Variants in DPYS observed in about 807,000 individuals in gnomAD.
DPYS encodes dihydropyrimidine amidohydrolase.
Under a neutral mutation model 50.3 loss-of-function variants are expected in DPYS, and 39 were observed. That is an observed-to-expected ratio of 0.78 (90% CI 0.60 to 1.01). The LOEUF (loss-of-function observed/expected upper bound fraction) is 1.01. DPYS is among the 50% of genes least tolerant of loss of function. The probability of loss-of-function intolerance (pLI) is 0.00; values close to 1 mark genes in which losing one functional copy is unlikely to be tolerated. For missense variants in DPYS, 659 were observed against 680.9 expected (o/e 0.97, Z 0.36); for synonymous variants, 245 against 250.7 (o/e 0.98, Z 0.22).
At chr8:104,462,629 C>A (rs553744093) in intron 1 of DPYS, among the ~76,000 whole-genome samples, 1 of 152,306 alleles carries the variant, frequency 6.6e-6, no homozygotes, top group South Asian at 2.1e-4. Flanking sequence ...GTTTTCAGTG[C>A]AACTCCACCC....
intron 2 of DPYS, among the ~76,000 whole-genome samples, chr8:104,449,256 C>T (rs546267686): frequency 2.6e-5 from 4 of 152,146 alleles, no homozygotes; most frequent in Non-Finnish European, 5.9e-5. Context: ...ACATTGTTAG[C>T]ATATTCACAT....
chr8:104,441,305 C>A (rs547598387), intron 4 of DPYS, among the ~76,000 whole-genome samples: 53 of 152,218 alleles, frequency 3.5e-4, no homozygotes, highest in African/African-American at 1.2e-3. Flanking sequence ...CAATTTGAAC[C>A]AGCAATCCCA....
intron 1 of DPYS, among the ~76,000 whole-genome samples, chr8:104,465,537 T>C (rs987517976): frequency 3.9e-5 from 6 of 152,190 alleles, no homozygotes; most frequent in Non-Finnish European, 7.4e-5. Context: ...GAATTTTTAC[T>C]CTATGTTCCT....
At chr8:104,441,795 C>T (rs1016650600) in intron 4 of DPYS, among the ~76,000 whole-genome samples, 5 of 152,194 alleles carry the variant, frequency 3.3e-5, no homozygotes, top group Non-Finnish European at 7.3e-5. Context: ...TCTCTTGAAA[C>T]AGCTAAAGAT....
intron 7 of DPYS, among the ~76,000 whole-genome samples, chr8:104,414,091 T>C (rs1812285854): frequency 6.6e-6 from 1 of 152,186 alleles, no homozygotes; most frequent in Non-Finnish European, 1.5e-5. Flanking sequence ...TTCCAAAGGC[T>C]AAACATGTGA....
At chr8:104,423,067 T>G (rs1458240633) in intron 7 of DPYS, among the ~76,000 whole-genome samples, 2 of 152,262 alleles carry the variant, frequency 1.3e-5, no homozygotes, top group Non-Finnish European at 2.9e-5. Flanking sequence ...AGTCCTTAAA[T>G]GGGCAATAGT....
At chr8:104,428,231 A>G (rs968798396) in intron 5 of DPYS, 110 bp from the exon 6 acceptor site, 13 of 1,455,200 alleles carry the variant, frequency 8.9e-6, no homozygotes, top group African/African-American at 1.4e-5. Flanking sequence ...TGAAGTCAGA[A>G]AAATCCAATG....
chr8:104,452,427 T>C (rs1487424076), intron 1 of DPYS, among the ~76,000 whole-genome samples: 1 of 152,212 alleles, frequency 6.6e-6, no homozygotes, highest in Non-Finnish European at 1.5e-5. Context: ...TCAACACTTA[T>C]TCGCTGTGGT....
chr8:104,414,349 G>C (rs1402453335), intron 7 of DPYS, among the ~76,000 whole-genome samples: 1 of 152,124 alleles, frequency 6.6e-6, no homozygotes, highest in East Asian at 1.9e-4. Flanking sequence ...GCCGCTGGAG[G>C]GCTTGGGAAA....
At chr8:104,460,033 T>C (rs896620232) in intron 1 of DPYS, among the ~76,000 whole-genome samples, 8 of 152,306 alleles carry the variant, frequency 5.3e-5, no homozygotes, top group African/African-American at 1.9e-4. Context: ...TTCCTATATA[T>C]GTATGTGAAT....
rs956985100 is a variant in DPYS, at chr8:104,381,458, C to T, written c.1444-144G>A. On this transcript the variant is annotated intron_variant, in intron 8 of 9. Transcript: ENST00000351513. ...GCCTCCCCATCCCCTTGGCCTTTCA[C>T]GGAAATTCCTGGCAACCTTGAGAAT... 2.0e-5 allele frequency: 15 copies of T among 758,354 alleles called. No homozygotes were observed. In the African/African-American group the frequency reaches 2.3e-4, roughly 11 times the overall value. 47.0% of individuals were successfully genotyped at this position (758,354 alleles called of 1,614,324 possible).
At chr8:104,446,027 A>G (rs1056673718) in intron 3 of DPYS, among the ~76,000 whole-genome samples, 3 of 152,346 alleles carry the variant, frequency 2.0e-5, no homozygotes, top group Admixed American at 6.5e-5. Flanking sequence ...CCTAGGCAAC[A>G]GAGCGGGACT....
chr8:104,409,362 G>A (rs1167683279), intron 7 of DPYS, among the ~76,000 whole-genome samples: 1 of 151,936 alleles, frequency 6.6e-6, no homozygotes, highest in African/African-American at 2.4e-5. Context: ...GTGCACGCCT[G>A]TAATTCCAGC....
intron 7 of DPYS, among the ~76,000 whole-genome samples, chr8:104,418,212 G>C (rs1240314848): frequency 6.6e-6 from 1 of 152,140 alleles, no homozygotes; most frequent in Non-Finnish European, 1.5e-5. Flanking sequence ...GGCTGCGGGC[G>C]CCCCCTTCAG....
intron 4 of DPYS, among the ~76,000 whole-genome samples, chr8:104,430,947 A>G (rs1248072341): frequency 1.3e-5 from 2 of 152,116 alleles, no homozygotes; most frequent in Admixed American, 1.3e-4. Context: ...CTCTTTCTAA[A>G]TATAGAATAT....
intron 8 of DPYS, among the ~76,000 whole-genome samples, chr8:104,391,520 A>G (rs1396878087): frequency 6.6e-6 from 1 of 152,208 alleles, no homozygotes; most frequent in Non-Finnish European, 1.5e-5. Flanking sequence ...CCAGAAATTT[A>G]GATTTTTTAA....
chr8:104,442,668 GATGGATTAC>G (rs1259167315), intron 4 of DPYS, among the ~76,000 whole-genome samples: 1 of 152,200 alleles, frequency 6.6e-6, no homozygotes, highest in African/African-American at 2.4e-5. Context: ...GCAAGATGTT[GATGGATTAC>G]ATTTTAAAAG....
chr8:104,440,347 C>A (rs1275305477), intron 4 of DPYS, among the ~76,000 whole-genome samples: 1 of 152,010 alleles, frequency 6.6e-6, no homozygotes, highest in Non-Finnish European at 1.5e-5. Context: ...ATATGAATCA[C>A]CTGGGATTCT....
chr8:104,430,953 A>G (rs1003974025), intron 4 of DPYS, among the ~76,000 whole-genome samples: 2 of 152,092 alleles, frequency 1.3e-5, no homozygotes, highest in African/African-American at 4.8e-5. Flanking sequence ...CTAAATATAG[A>G]ATATGCCCAA....
Sources: gnomAD v4.1 joint callset for allele counts (sites outside exome capture counted in the v4.1 genomes callset) on GRCh38, gnomAD v4.1.1 for gene constraint, MANE v1.5 for transcripts, NCBI Gene and HGNC (gene_info 2026-07-23, HGNC 2026-07-21) for gene names.